Variants in DPP10 observed in about 807,000 individuals in gnomAD.
DPP10 encodes inactive dipeptidyl peptidase 10.
A neutral mutation model predicts 120.9 loss-of-function variants in DPP10; 33 were observed. The ratio of observed to expected loss-of-function variants is 0.27; its 90% CI spans 0.21 to 0.37. DPP10 has a LOEUF of 0.37. Among genes scored for constraint, DPP10 ranks in the 10% least tolerant of loss-of-function variants. The pLI, the probability that DPP10 is intolerant of heterozygous loss-of-function variation, is 1.00. For missense variants in DPP10, 816 were observed against 942.8 expected (o/e 0.87, Z 1.76); for synonymous variants, 337 against 326.1 (o/e 1.03, Z -0.36).
At chr2:114,766,776 G>T (rs1680740326) in intron 1 of DPP10, among the ~76,000 whole-genome samples, 1 of 152,012 alleles carries the variant, frequency 6.6e-6, no homozygotes, top group Non-Finnish European at 1.5e-5. Flanking sequence ...AGTTGCCAGG[G>T]GGGCAGAGAT....
At chr2:114,705,397 G>A (rs968210436) in intron 1 of DPP10, among the ~76,000 whole-genome samples, 3 of 152,056 alleles carry the variant, frequency 2.0e-5, no homozygotes, top group South Asian at 2.1e-4. Flanking sequence ...AGTAGAATAT[G>A]TAGATAAGTA....
intron 3 of DPP10, among the ~76,000 whole-genome samples, chr2:115,455,402 T>C (rs2073444753): frequency 6.6e-6 from 1 of 152,108 alleles, no homozygotes; most frequent in Admixed American, 6.6e-5. Flanking sequence ...CAAATTGATT[T>C]ATAGATTCAA....
chr2:115,660,753 C>A (rs1209635736), intron 5 of DPP10, among the ~76,000 whole-genome samples: 1 of 141,684 alleles, frequency 7.1e-6, no homozygotes, highest in Non-Finnish European at 1.5e-5. Context: ...TTGCTCTGAT[C>A]ATGAGGGTCT....
intron 1 of DPP10, among the ~76,000 whole-genome samples, chr2:114,871,906 A>G (rs1340635359): frequency 1.3e-5 from 2 of 152,142 alleles, no homozygotes; most frequent in Non-Finnish European, 1.5e-5. Context: ...TTCTCATAGG[A>G]GTGTGGACCC....
chr2:115,813,568 A>G (rs557115506), intron 19 of DPP10, among the ~76,000 whole-genome samples: 1 of 152,336 alleles, frequency 6.6e-6, no homozygotes, highest in South Asian at 2.1e-4. Context: ...GGGATTCAAC[A>G]TATAAATTTT....
chr2:115,468,749 G>C, intron 3 of DPP10: 1 of 411,842 alleles, frequency 2.4e-6, no homozygotes, highest in Non-Finnish European at 4.7e-6. Flanking sequence ...ATGGCCTACT[G>C]TAGCTCCTGA....
intron 5 of DPP10, among the ~76,000 whole-genome samples, chr2:115,584,703 G>C (rs1373427511): frequency 6.6e-6 from 1 of 152,134 alleles, no homozygotes; most frequent in African/African-American, 2.4e-5. Context: ...TCCTTTCCAT[G>C]GTCTAGAGTT....
intron 2 of DPP10, among the ~76,000 whole-genome samples, chr2:115,325,363 A>G (rs969561253): frequency 1.3e-5 from 2 of 152,206 alleles, no homozygotes; most frequent in Admixed American, 1.3e-4. Flanking sequence ...ATAAATAATA[A>G]TACAATAGAA....
At chr2:115,127,181 G>C (rs1443147829) in intron 1 of DPP10, among the ~76,000 whole-genome samples, 1 of 152,166 alleles carries the variant, frequency 6.6e-6, no homozygotes, top group Non-Finnish European at 1.5e-5. Context: ...GTTTTATTTT[G>C]TGGGCATCTG....
rs535482218 is a variant in DPP10, at chr2:115,781,966, T to C, written c.1484-386T>C. ...TGCGTGCTTTCTTTTTTTGGCTGAG[T>C]GGCAAATAGAATTTGATCTTGGATC... is the stretch of plus-strand genomic sequence containing the variant. On this transcript the variant is annotated intron_variant, in intron 16 of 25. Coordinates refer to ENST00000410059, the MANE Select transcript of DPP10 (RefSeq NM_020868.6). Among the ~76,000 whole-genome samples, 4 of 152,102 alleles carry C rather than the reference T, an allele frequency of 2.6e-5. No individual in the cohort carries two copies. In the East Asian group the frequency reaches 7.7e-4, roughly 29 times the overall value.
At chr2:115,132,820 C>T (rs924412082) in intron 1 of DPP10, among the ~76,000 whole-genome samples, 2 of 152,166 alleles carry the variant, frequency 1.3e-5, no homozygotes, top group Non-Finnish European at 2.9e-5. Flanking sequence ...ATTGCCCATC[C>T]TATTTTGAGA....
At chr2:115,482,832 T>A (rs1027589388) in intron 3 of DPP10, among the ~76,000 whole-genome samples, 1 of 152,030 alleles carries the variant, frequency 6.6e-6, no homozygotes, top group South Asian at 2.1e-4. Flanking sequence ...CCTTAACATC[T>A]TCTTATTTTT....
intron 1 of DPP10, among the ~76,000 whole-genome samples, chr2:114,958,878 A>G (rs2104700087): frequency 6.6e-6 from 1 of 152,292 alleles, no homozygotes; most frequent in African/African-American, 2.4e-5. Flanking sequence ...TAGGCTTTTT[A>G]CATTTTCCAG....
intron 10 of DPP10, among the ~76,000 whole-genome samples, chr2:115,752,162 G>A (rs922583344): frequency 1.3e-5 from 2 of 152,124 alleles, no homozygotes; most frequent in African/African-American, 4.8e-5. Context: ...GTGGATGGCT[G>A]TTTCTTCTGA....
At chr2:115,277,256 C>G (rs1022656599) in intron 1 of DPP10, among the ~76,000 whole-genome samples, 3 of 152,076 alleles carry the variant, frequency 2.0e-5, no homozygotes, top group Admixed American at 6.5e-5. Flanking sequence ...GCCTGACTTA[C>G]CATTTCAGAA....
At chr2:114,649,957 T>C (rs1696451789) in intron 1 of DPP10, among the ~76,000 whole-genome samples, 1 of 152,178 alleles carries the variant, frequency 6.6e-6, no homozygotes, top group Non-Finnish European at 1.5e-5. Flanking sequence ...TTACTGCAGA[T>C]TTATGGAGTG....
intron 3 of DPP10, among the ~76,000 whole-genome samples, chr2:115,372,715 T>C (rs2065498138): frequency 6.6e-6 from 1 of 152,134 alleles, no homozygotes; most frequent in South Asian, 2.1e-4. Context: ...GAGTTAATAA[T>C]CCATCATATG....
chr2:115,524,787 G>C (rs1192461671), intron 4 of DPP10, among the ~76,000 whole-genome samples: 1 of 152,118 alleles, frequency 6.6e-6, no homozygotes, highest in African/African-American at 2.4e-5. Flanking sequence ...GTGCAAAGAA[G>C]TTTGCTATGA....
At chr2:115,698,806 G>A (rs964297841) in intron 7 of DPP10, among the ~76,000 whole-genome samples, 1 of 151,892 alleles carries the variant, frequency 6.6e-6, no homozygotes, top group South Asian at 2.1e-4. Flanking sequence ...ATGGAAGGCT[G>A]AAAGGATTAA....
Sources: gnomAD v4.1 joint callset for allele counts (sites outside exome capture counted in the v4.1 genomes callset) on GRCh38, gnomAD v4.1.1 for gene constraint, MANE v1.5 for transcripts, NCBI Gene and HGNC (gene_info 2026-07-23, HGNC 2026-07-21) for gene names.